The following TMEM132D variants were observed in gnomAD, a reference collection of about 807,000 sequenced individuals.
TMEM132D encodes the protein transmembrane protein 132D.
TMEM132D carries 21 observed loss-of-function variants against 62.3 expected under a neutral mutation model. The observed-to-expected ratio is 0.34, with a 90% CI of 0.24 to 0.49. The LOEUF (loss-of-function observed/expected upper bound fraction) is 0.49. Ranked by LOEUF, TMEM132D falls within the 20% of genes least tolerant of loss-of-function variation. The pLI is 0.99. For missense variants in TMEM132D, 1,346 were observed against 1,402.8 expected, an observed-to-expected ratio of 0.96 and a Z score of 0.65; for synonymous variants, 621 against 575.6, an observed-to-expected ratio of 1.08 and a Z score of -1.13.
intron 2 of TMEM132D, among the ~76,000 whole-genome samples, chr12:129,660,488 G>A (rs893857611): frequency 3.9e-5 from 6 of 152,136 alleles, no homozygotes; most frequent in African/African-American, 7.2e-5. Context: ...TGCGTGGACT[G>A]TCACGTCCAA....
chr12:129,204,680 C>A (rs755765340), intron 5 of TMEM132D, among the ~76,000 whole-genome samples: 42 of 152,076 alleles, frequency 2.8e-4, no homozygotes, highest in Non-Finnish European at 4.0e-4. Context: ...TGTAGAGCAC[C>A]CCTGTGAGAT....
intron 2 of TMEM132D, among the ~76,000 whole-genome samples, chr12:129,602,460 A>G (rs961288309): frequency 1.3e-5 from 2 of 151,824 alleles, no homozygotes; most frequent in African/African-American, 2.4e-5. Context: ...AGTAAGAGAA[A>G]AGAGAAAAAA....
intron 3 of TMEM132D, among the ~76,000 whole-genome samples, chr12:129,382,949 G>A (rs1033155091): frequency 2.6e-5 from 4 of 152,104 alleles, no homozygotes; most frequent in Non-Finnish European, 5.9e-5. Context: ...GGGCTTAGTG[G>A]CAGAGGACAT....
At chr12:129,718,279 T>C (rs1424986686) in intron 1 of TMEM132D, among the ~76,000 whole-genome samples, 1 of 152,214 alleles carries the variant, frequency 6.6e-6, no homozygotes, top group Non-Finnish European at 1.5e-5. Context: ...CTGGGTCACA[T>C]GCCCACCTGA....
chr12:129,427,126 C>A (rs1872522902), intron 3 of TMEM132D, among the ~76,000 whole-genome samples: 1 of 152,192 alleles, frequency 6.6e-6, no homozygotes, highest in Non-Finnish European at 1.5e-5. Flanking sequence ...CAAATATACT[C>A]TTGTTTGCAT....
At chr12:129,555,081 T>C (rs1877017852) in intron 2 of TMEM132D, among the ~76,000 whole-genome samples, 1 of 152,212 alleles carries the variant, frequency 6.6e-6, no homozygotes, top group South Asian at 2.1e-4. Context: ...AGGCTGTCAG[T>C]GAAAACAATG....
At chr12:129,203,186 A>C (rs1878756775) in intron 5 of TMEM132D, among the ~76,000 whole-genome samples, 2 of 152,182 alleles carry the variant, frequency 1.3e-5, no homozygotes, top group South Asian at 4.1e-4. Context: ...GCTGAACTGT[A>C]ACTAACCCGG....
intron 1 of TMEM132D, among the ~76,000 whole-genome samples, chr12:129,739,361 C>G (rs1050036935): frequency 6.6e-6 from 1 of 152,038 alleles, no homozygotes. Flanking sequence ...CAAGGCAAGG[C>G]GAGGGGATGG....
At chr12:129,296,024 A>G (rs976904850) in intron 4 of TMEM132D, among the ~76,000 whole-genome samples, 2 of 152,100 alleles carry the variant, frequency 1.3e-5, no homozygotes, top group African/African-American at 4.8e-5. Context: ...ACTCACATAC[A>G]TATATATGAA....
At chr12:129,131,158 G>T (rs1207404164) in intron 5 of TMEM132D, among the ~76,000 whole-genome samples, 1 of 152,182 alleles carries the variant, frequency 6.6e-6, no homozygotes, top group Non-Finnish European at 1.5e-5. Flanking sequence ...AATTAGATAT[G>T]CACAGTCATA....
At chr12:129,193,318 T>C (rs1033487662) in intron 5 of TMEM132D, among the ~76,000 whole-genome samples, 4 of 151,596 alleles carry the variant, frequency 2.6e-5, no homozygotes, top group African/African-American at 9.7e-5. Context: ...TATGTTTTCC[T>C]TCTTCACATA....
At chr12:129,163,398 T>C (rs989878206) in intron 5 of TMEM132D, among the ~76,000 whole-genome samples, 7 of 152,158 alleles carry the variant, frequency 4.6e-5, no homozygotes, top group Non-Finnish European at 1.0e-4. Context: ...CCTCTGCCGT[T>C]CTCTTCCCCC....
intron 1 of TMEM132D, among the ~76,000 whole-genome samples, chr12:129,792,199 T>A (rs1871418956): frequency 6.6e-6 from 1 of 152,180 alleles, no homozygotes; most frequent in Non-Finnish European, 1.5e-5. Flanking sequence ...CATGCATAGG[T>A]TGCTCTGTTG....
At chr12:129,764,856 G>A (rs746197071) in intron 1 of TMEM132D, among the ~76,000 whole-genome samples, 3 of 152,124 alleles carry the variant, frequency 2.0e-5, no homozygotes, top group East Asian at 1.9e-4. Context: ...TAGGAGGATC[G>A]CTTGAGCCTG....
At chr12:129,877,681 G>T (rs1028822614) in intron 1 of TMEM132D, among the ~76,000 whole-genome samples, 1 of 151,714 alleles carries the variant, frequency 6.6e-6, no homozygotes, top group Non-Finnish European at 1.5e-5. Flanking sequence ...CCATCTTGCA[G>T]CCTCTCTAGA....
intron 1 of TMEM132D, among the ~76,000 whole-genome samples, chr12:129,731,694 G>A (rs999904040): frequency 8.6e-5 from 13 of 151,182 alleles, no homozygotes; most frequent in Admixed American, 4.6e-4. Context: ...ACGGAGTCTC[G>A]CTCTGTCGCC....
At chr12:129,283,727 A>T (rs1450805449) in intron 4 of TMEM132D, among the ~76,000 whole-genome samples, 1 of 152,210 alleles carries the variant, frequency 6.6e-6, no homozygotes, top group African/African-American at 2.4e-5. Flanking sequence ...AGGCCGATAC[A>T]CAAGATGAGA....
intron 2 of TMEM132D, among the ~76,000 whole-genome samples, chr12:129,669,832 G>A (rs113990469): frequency 4.6e-5 from 7 of 152,112 alleles, no homozygotes; most frequent in South Asian, 2.1e-4. Context: ...ATTTACAACC[G>A]TGGTCACTTA....
rs757474690 is a variant in TMEM132D, at chr12:129,700,545, C to A, written c.233G>T (p.Arg78Leu). The A allele has an allele frequency of 3.7e-6, 6 of 1,613,930 alleles. No homozygotes were observed. The highest frequency in any genetic ancestry group is 5.1e-6 in the Non-Finnish European group (6 of 1,180,016). ...TTTGTAAATCAGAAATGACTCCACCCGGGACTGCAGGCTGGAGTTCCTCAT... is the reference window on the plus strand; with the variant it reads ...TTTGTAAATCAGAAATGACTCCACCAGGGACTGCAGGCTGGAGTTCCTCAT... ...DIMRNSSLQS[R>L]VESFLIYKSR... The change falls in exon 2 of 9, where the codon CGG (arginine) becomes CTG (leucine). Residue 78 changes from arginine (R) to leucine (L), a missense_variant. By Grantham distance (102) the Arg-to-Leu change is moderately radical (BLOSUM62 -2). Transcript: ENST00000422113.
Sources: gnomAD v4.1 joint callset for allele counts (sites outside exome capture counted in the v4.1 genomes callset) on GRCh38, gnomAD v4.1.1 for gene constraint, MANE v1.5 for transcripts, NCBI Gene and HGNC (gene_info 2026-07-23, HGNC 2026-07-21) for gene names.